The following INTS15 variants were observed in gnomAD, a reference collection of about 807,000 sequenced individuals.
INTS15 encodes the protein uncharacterized protein C7orf26.
chr7:6,602,012 CT>C, the INTS15 span: 1 of 1,214,564 alleles, frequency 8.2e-7, no homozygotes, highest in Non-Finnish European at 1.2e-6. Context: ...CTCTTGCTGT[CT>C]TGCTAGCATC....
the INTS15 span, chr7:6,599,807 A>C: frequency 6.2e-7 from 1 of 1,607,464 alleles, no homozygotes; most frequent in Non-Finnish European, 8.5e-7. Context: ...AGTGCTCCTG[A>C]CCTAATGGTC....
chr7:6,596,376 CT>C, the INTS15 span, among the ~76,000 whole-genome samples: 1,099 of 107,898 alleles, frequency 0.01, 12 homozygotes, highest in African/African-American at 0.034. Flanking sequence ...ATCTGTCACC[CT>C]TTTTTTTTTT....
chr7:6,601,451 A>G, the INTS15 span, among the ~76,000 whole-genome samples: 1 of 151,522 alleles, frequency 6.6e-6, no homozygotes, highest in Non-Finnish European at 1.5e-5. Flanking sequence ...ATGTGTCAGC[A>G]CGTCTGGCTA....
the INTS15 span, among the ~76,000 whole-genome samples, chr7:6,603,854 G>A: frequency 2.0e-5 from 3 of 151,906 alleles, no homozygotes; most frequent in Non-Finnish European, 2.9e-5. Context: ...AAAAAAATTG[G>A]CCAAATATGG....
the INTS15 span, among the ~76,000 whole-genome samples, chr7:6,599,011 C>T: frequency 6.6e-6 from 1 of 152,068 alleles, no homozygotes; most frequent in Non-Finnish European, 1.5e-5. Flanking sequence ...TGGTTTCGAA[C>T]TCCTGAACTC....
At chr7:6,590,949 C>T in the INTS15 span, among the ~76,000 whole-genome samples, 5 of 151,792 alleles carry the variant, frequency 3.3e-5, no homozygotes, top group East Asian at 3.9e-4. Flanking sequence ...AGTAATCCTC[C>T]CGCCTCATCC....
At chr7:6,595,477 T>G in the INTS15 span, among the ~76,000 whole-genome samples, 1 of 152,100 alleles carries the variant, frequency 6.6e-6, no homozygotes, top group African/African-American at 2.4e-5. Context: ...AATGTGTGTT[T>G]TTAATTTAGG....
the INTS15 span, among the ~76,000 whole-genome samples, chr7:6,594,786 T>C: frequency 2.6e-5 from 4 of 152,144 alleles, no homozygotes; most frequent in Admixed American, 6.6e-5. Context: ...AGTGGTGTTA[T>C]CTCAGCTCAC....
the INTS15 span, among the ~76,000 whole-genome samples, chr7:6,593,614 A>G: frequency 6.7e-6 from 1 of 148,904 alleles, no homozygotes; most frequent in Non-Finnish European, 1.5e-5. Flanking sequence ...GATTACAGGG[A>G]TGAGCCACCA....
chr7:6,599,831 G>T, the INTS15 span: 1 of 1,611,640 alleles, frequency 6.2e-7, no homozygotes, highest in Non-Finnish European at 8.5e-7. Context: ...GTTTGCAGAT[G>T]ACCTCATTCC....
the INTS15 span, among the ~76,000 whole-genome samples, chr7:6,606,259 C>G: frequency 3.3e-5 from 5 of 152,230 alleles, no homozygotes; most frequent in African/African-American, 1.2e-4. Flanking sequence ...TGCACCAGCC[C>G]TCCACATACC....
chr7:6,605,754 C>A, the INTS15 span, among the ~76,000 whole-genome samples: 1 of 151,896 alleles, frequency 6.6e-6, no homozygotes, highest in African/African-American at 2.4e-5. Flanking sequence ...GCTGGAGTGC[C>A]GTGGTGTGAT....
the INTS15 span, chr7:6,608,612 C>G: frequency 1.3e-6 from 1 of 790,410 alleles, no homozygotes; most frequent in Non-Finnish European, 1.6e-6. Context: ...TTATGTGCAG[C>G]ACTGCTCAGG....
chr7:6,607,299 CTG>C, the INTS15 span, among the ~76,000 whole-genome samples: 1 of 152,000 alleles, frequency 6.6e-6, no homozygotes, highest in Non-Finnish European at 1.5e-5. The surrounding 1 kb of genome is among the most constrained non-coding windows in gnomAD (Gnocchi z 6.0). Context: ...GTCCAGGCCT[CTG>C]GGGCCCGGAG....
chr7:6,600,176 C>T, the INTS15 span: 2 of 1,614,126 alleles, frequency 1.2e-6, no homozygotes, highest in Non-Finnish European at 1.7e-6. Context: ...CGAGAAGAAT[C>T]TGTATGGGCG....
the INTS15 span, chr7:6,602,083 G>T: frequency 1.9e-6 from 3 of 1,611,134 alleles, no homozygotes; most frequent in South Asian, 3.3e-5. Flanking sequence ...CATTAATCTT[G>T]TATCTCCTTA....
At chr7:6,597,409 T>A in the INTS15 span, among the ~76,000 whole-genome samples, 1 of 152,196 alleles carries the variant, frequency 6.6e-6, no homozygotes, top group South Asian at 2.1e-4. Flanking sequence ...AGTCTCCTGC[T>A]TCAGCCTCCT....
chr7:6,599,996 G>A, the INTS15 span: 1 of 1,614,154 alleles, frequency 6.2e-7, no homozygotes, highest in Non-Finnish European at 8.5e-7. Context: ...GTGCGTGAAG[G>A]CACCCCTGGC....
the INTS15 span, among the ~76,000 whole-genome samples, chr7:6,593,628 C>A: frequency 2.8e-4 from 43 of 150,934 alleles, no homozygotes; most frequent in African/African-American, 1.0e-3. Flanking sequence ...GCCACCACAC[C>A]CAGTCAGGTG....
Sources: gnomAD v4.1 joint callset for allele counts (sites outside exome capture counted in the v4.1 genomes callset) on GRCh38, gnomAD v4.1.1 for gene constraint, Gnocchi (gnomAD v3.1) non-coding constraint, MANE v1.5 for transcripts, NCBI Gene and HGNC (gene_info 2026-07-23, HGNC 2026-07-21) for gene names.